The following UHRF2 variants were observed in gnomAD, a reference collection of about 807,000 sequenced individuals.
UHRF2 encodes E3 ubiquitin-protein ligase UHRF2.
A neutral mutation model predicts 96.8 loss-of-function variants in UHRF2; 23 were observed. The ratio of observed to expected loss-of-function variants is 0.24; its 90% CI spans 0.17 to 0.34. The LOEUF is 0.34. Ranked by LOEUF, UHRF2 falls within the 10% of genes least tolerant of loss-of-function variation. The pLI is 1.00. For synonymous variants in UHRF2, 385 were observed against 332.6 expected (o/e 1.16, Z -1.72); for missense variants, 685 against 981.5 (o/e 0.70, Z 4.04).
chr9:6,461,180 C>G (rs1422436905), intron 4 of UHRF2, among the ~76,000 whole-genome samples: 2 of 152,202 alleles, frequency 1.3e-5, no homozygotes, highest in African/African-American at 2.4e-5. Context: ...TGCTGGACTT[C>G]TAAGACTAGC....
At chr9:6,449,468 C>T (rs1339544729) in intron 3 of UHRF2, 1 of 152,216 alleles carries the variant, frequency 6.6e-6, no homozygotes, top group African/African-American at 2.4e-5. Flanking sequence ...CTTTCTTTCC[C>T]TGTCTTTCAT....
At chr9:6,437,687 A>G (rs1820933216) in intron 3 of UHRF2, among the ~76,000 whole-genome samples, 1 of 152,062 alleles carries the variant, frequency 6.6e-6, no homozygotes. Context: ...GTGCGATCTC[A>G]GGTCACTGCA....
At chr9:6,463,284 TA>T (rs77270598) in intron 4 of UHRF2, among the ~76,000 whole-genome samples, 142,215 of 149,636 alleles carry the variant, frequency 0.95, 67,587 homozygotes, top group East Asian at 0.99. Flanking sequence ...TTCGTCTCAA[TA>T]AAAAAAAAAA....
chr9:6,461,205 A>G (rs1046212214), intron 4 of UHRF2, among the ~76,000 whole-genome samples: 4 of 152,220 alleles, frequency 2.6e-5, no homozygotes, highest in Admixed American at 6.5e-5. Context: ...ATTTTCCTTC[A>G]TAGTGATTTT....
chr9:6,460,750 C>G lies in UHRF2; in HGVS notation c.822C>G (p.Ile274Met). ...CAGAAATTACCACATTGAAGACAATCTCAAGGACCAAAAAAGAACTTCGTG... is the reference window on the plus strand; with the variant it reads ...CAGAAATTACCACATTGAAGACAATGTCAAGGACCAAAAAAGAACTTCGTG... Reference protein sequence around the residue: ...FDAEITTLKTISRTKKELRVK... With the variant: ...FDAEITTLKTMSRTKKELRVK... The change falls in exon 4 of 16, where the codon ATC (isoleucine) becomes ATG (methionine). Residue 274 changes from isoleucine to methionine, a missense_variant. By Grantham distance (10) the Ile-to-Met change is conservative. Around this residue, in one of 6 missense-constraint regions of UHRF2, gnomAD observed 391 missense variants for 437.0 expected, o/e 0.89. Transcript: ENST00000276893. The G allele has an allele frequency of 1.2e-6, 2 of 1,613,558 alleles. No homozygotes were observed. Among genetic ancestry groups the G allele is most frequent in the Non-Finnish European group, 1.7e-6 (2 of 1,179,866 alleles).
intron 4 of UHRF2, among the ~76,000 whole-genome samples, chr9:6,471,690 G>A (rs1461731887): frequency 6.6e-6 from 1 of 152,098 alleles, no homozygotes; most frequent in African/African-American, 2.4e-5. Context: ...GAACTACCCA[G>A]CTAAGCTACT....
intron 3 of UHRF2, among the ~76,000 whole-genome samples, chr9:6,442,507 C>G (rs1821233450): frequency 1.3e-5 from 2 of 151,204 alleles, no homozygotes; most frequent in Admixed American, 6.6e-5. Flanking sequence ...GAGACAGGGT[C>G]TTGTTCCATC....
intron 3 of UHRF2, among the ~76,000 whole-genome samples, chr9:6,452,102 A>G (rs1372142893): frequency 6.6e-6 from 1 of 152,050 alleles, no homozygotes; most frequent in Admixed American, 6.6e-5. Flanking sequence ...TTAAGTTCAT[A>G]TATCCTGGAG....
intron 5 of UHRF2, among the ~76,000 whole-genome samples, chr9:6,476,767 G>C (rs1458791676): frequency 1.3e-5 from 2 of 151,904 alleles, no homozygotes; most frequent in East Asian, 1.9e-4. Flanking sequence ...GCTAACTTTT[G>C]TATTTTTAGC....
At chr9:6,462,412 T>G (rs1366964341) in intron 4 of UHRF2, among the ~76,000 whole-genome samples, 12 of 152,166 alleles carry the variant, frequency 7.9e-5, no homozygotes, top group Admixed American at 6.5e-5. Flanking sequence ...AAAGTGTGAT[T>G]CTATTGCTAG....
intron 9 of UHRF2, among the ~76,000 whole-genome samples, chr9:6,488,594 T>TTGGAG (rs1442615527): frequency 2.1e-5 from 3 of 141,686 alleles, no homozygotes; most frequent in African/African-American, 8.1e-5. Flanking sequence ...GTCGCCCAGC[T>TTGGAG]TGGAGTGCAA....
intron 7 of UHRF2, 52 bp downstream of exon 7, chr9:6,481,818 G>C (rs375037129): frequency 1.2e-4 from 183 of 1,582,584 alleles, no homozygotes; most frequent in Non-Finnish European, 1.4e-4. Context: ...AATATATAAT[G>C]TTTTAATACC....
intron 4 of UHRF2, among the ~76,000 whole-genome samples, chr9:6,474,028 A>G (rs1823410721): frequency 6.6e-6 from 1 of 151,658 alleles, no homozygotes; most frequent in Admixed American, 6.5e-5. Context: ...AAACACAGGC[A>G]AAACTGTTTT....
intron 3 of UHRF2, among the ~76,000 whole-genome samples, chr9:6,440,200 G>C (rs574738960): frequency 2.6e-5 from 4 of 152,310 alleles, no homozygotes; most frequent in Admixed American, 6.5e-5. Flanking sequence ...TAGTGGTCTT[G>C]AAGGGCAGTC....
At chr9:6,493,963 A>G (rs766515862) in intron 10 of UHRF2, 31 bp downstream of exon 10, 8 of 1,589,558 alleles carry the variant, frequency 5.0e-6, no homozygotes. Context: ...TAGAATTTGA[A>G]CATTGAATAA....
At chr9:6,440,098 C>G (rs1821077724) in intron 3 of UHRF2, among the ~76,000 whole-genome samples, 1 of 151,970 alleles carries the variant, frequency 6.6e-6, no homozygotes, top group African/African-American at 2.4e-5. Context: ...TTTTAAGGGC[C>G]CTAAACATCT....
At chr9:6,414,394 C>A in intron 1 of UHRF2, among the ~76,000 whole-genome samples, 1 of 152,290 alleles carries the variant, frequency 6.6e-6, no homozygotes, top group African/African-American at 2.4e-5. Flanking sequence ...TTACTTCTCG[C>A]CTTCTAATAC....
intron 14 of UHRF2, among the ~76,000 whole-genome samples, chr9:6,503,221 C>T (rs893818722): frequency 7.2e-5 from 11 of 152,156 alleles, no homozygotes; most frequent in African/African-American, 2.4e-4. Flanking sequence ...GTCTAGCACT[C>T]CTGACCTCAA....
intron 2 of UHRF2, chr9:6,422,602 C>T (rs1025416952): frequency 6.8e-6 from 4 of 591,998 alleles, no homozygotes; most frequent in South Asian, 2.2e-5. Flanking sequence ...TTGACTTCTC[C>T]ATTAACTTAG....
Sources: allele counts gnomAD v4.1 joint callset (sites outside exome capture counted in the v4.1 genomes callset), GRCh38; gene constraint gnomAD v4.1.1; regional missense constraint gnomAD v4.1.1; transcripts MANE v1.5; gene names NCBI Gene and HGNC (gene_info 2026-07-23, HGNC 2026-07-21).